The following ZBTB7C variants were observed in gnomAD, a reference collection of about 807,000 sequenced individuals.
ZBTB7C encodes zinc finger and BTB domain-containing protein 7C.
A neutral mutation model predicts 25.7 loss-of-function variants in ZBTB7C; 8 were observed. The observed-to-expected ratio is 0.31, with a 90% CI of 0.18 to 0.56. ZBTB7C has a LOEUF of 0.56. Among genes scored for constraint, ZBTB7C ranks in the 20% least tolerant of loss-of-function variants. ZBTB7C has a pLI of 0.91. For synonymous variants in ZBTB7C, 394 were observed against 369.0 expected (o/e 1.07, Z -0.78); for missense variants, 824 against 855.2 (o/e 0.96, Z 0.46).
At chr18:48,375,906 G>A (rs184329586) in intron 1 of ZBTB7C, among the ~76,000 whole-genome samples, 1 of 152,182 alleles carries the variant, frequency 6.6e-6, no homozygotes, top group Non-Finnish European at 1.5e-5. Context: ...TCAACTACTA[G>A]CTTGGAGACC....
At chr18:48,403,595 G>A (rs1205997469) in intron 1 of ZBTB7C, among the ~76,000 whole-genome samples, 2 of 152,198 alleles carry the variant, frequency 1.3e-5, no homozygotes, top group African/African-American at 4.8e-5. Context: ...AGCCCAGGAG[G>A]AGACAATAGA....
chr18:48,305,739 G>C (rs2045657386), intron 2 of ZBTB7C, among the ~76,000 whole-genome samples: 2 of 152,152 alleles, frequency 1.3e-5, no homozygotes. Flanking sequence ...CCTCCATCAT[G>C]TGTGCTTAGA....
intron 1 of ZBTB7C, among the ~76,000 whole-genome samples, chr18:48,369,269 A>T (rs1019542457): frequency 2.0e-5 from 3 of 152,138 alleles, no homozygotes; most frequent in African/African-American, 4.8e-5. Flanking sequence ...TATGTAGAGT[A>T]TCTACTAAAA....
At chr18:48,165,992 G>A (rs768394150) in intron 3 of ZBTB7C, among the ~76,000 whole-genome samples, 2 of 152,114 alleles carry the variant, frequency 1.3e-5, no homozygotes, top group Non-Finnish European at 2.9e-5. Context: ...TGCATAATAC[G>A]TTTTTCCCAG....
intron 1 of ZBTB7C, among the ~76,000 whole-genome samples, chr18:48,338,750 C>T (rs2144956430): frequency 6.6e-6 from 1 of 152,336 alleles, no homozygotes; most frequent in Non-Finnish European, 1.5e-5. Flanking sequence ...GACTGACCAA[C>T]AGAACCTCAC....
At chr18:48,232,180 G>C (rs941312588) in intron 2 of ZBTB7C, among the ~76,000 whole-genome samples, 1 of 152,202 alleles carries the variant, frequency 6.6e-6, no homozygotes, top group African/African-American at 2.4e-5. Context: ...AGCCAGAAAA[G>C]TAACACTCCA....
chr18:48,318,314 C>G (rs2046000691), intron 2 of ZBTB7C, among the ~76,000 whole-genome samples: 1 of 152,192 alleles, frequency 6.6e-6, no homozygotes, highest in Non-Finnish European at 1.5e-5. Context: ...GGAACCAACC[C>G]CCCCTCACAA....
At chr18:48,331,327 C>G (rs2046338084) in intron 2 of ZBTB7C, among the ~76,000 whole-genome samples, 1 of 152,068 alleles carries the variant, frequency 6.6e-6, no homozygotes, top group Non-Finnish European at 1.5e-5. Flanking sequence ...CTATACAAAG[C>G]CATGTCACAT....
In ZBTB7C at chr18:48,380,471, A is replaced by G. The variant is rs9954302; in HGVS notation, c.-304+28755T>C. Among the ~76,000 whole-genome samples, 1,175 of 152,342 alleles carry G rather than the reference A, an allele frequency of 7.7e-3. 15 individuals are homozygous for G. The highest frequency in any genetic ancestry group is 0.025 in the African/African-American group (1,019 of 41,568). ...GAGACATCGGTATGAACTCATGTTT[A>G]CCTTGACATAAATACAAGTGGTTAC... is the stretch of plus-strand genomic sequence containing the variant. On this transcript the variant is annotated intron_variant, in intron 1 of 4. Transcript: ENST00000590800.
rs183662790 is a variant in ZBTB7C at position 48,032,756 on chromosome 18, A to G, written c.1209-2845T>C. ...TGGCCAGGTAGGTTTTTTTTAAGTC[A>G]CTATTACACATAATTAGTAGCACTG... On this transcript the variant is annotated intron_variant, in intron 4 of 4. Coordinates refer to ENST00000590800, the MANE Select transcript of ZBTB7C (RefSeq NM_001318841.2). 4.6e-5 allele frequency among the ~76,000 whole-genome samples: 7 copies of G among 152,120 alleles called. No individual in the cohort carries two copies. The East Asian group carries it at 1.2e-3, about 25-fold the overall frequency.
chr18:48,272,511 T>C (rs1227097715), intron 2 of ZBTB7C, among the ~76,000 whole-genome samples: 1 of 152,206 alleles, frequency 6.6e-6, no homozygotes, highest in Non-Finnish European at 1.5e-5. Context: ...TGGAAGCCAA[T>C]TCAGTTTCAA....
intron 2 of ZBTB7C, among the ~76,000 whole-genome samples, chr18:48,280,848 C>CTTTTTTTT (rs55760047): frequency 2.5e-5 from 2 of 79,892 alleles, no homozygotes; most frequent in African/African-American, 4.8e-5. Flanking sequence ...TTTTCTCTCT[C>CTTTTTTTT]TTTTTTTTTT....
chr18:48,234,647 T>C (rs916885414), intron 2 of ZBTB7C, among the ~76,000 whole-genome samples: 1 of 152,230 alleles, frequency 6.6e-6, no homozygotes, highest in Non-Finnish European at 1.5e-5. Context: ...GTTTTGGGAA[T>C]TGCTCATGTG....
At chr18:48,081,327 T>A (rs1347106983) in intron 3 of ZBTB7C, among the ~76,000 whole-genome samples, 1 of 152,210 alleles carries the variant, frequency 6.6e-6, no homozygotes, top group Non-Finnish European at 1.5e-5. Flanking sequence ...TCTAGACACC[T>A]GTTGTACCAT....
intron 2 of ZBTB7C, among the ~76,000 whole-genome samples, chr18:48,200,601 G>T (rs1222953167): frequency 6.6e-6 from 1 of 152,192 alleles, no homozygotes; most frequent in Non-Finnish European, 1.5e-5. Flanking sequence ...TAGTCATGAG[G>T]ATAGAGTTTT....
intron 1 of ZBTB7C, among the ~76,000 whole-genome samples, chr18:48,355,038 C>T (rs1291819477): frequency 6.6e-6 from 1 of 152,206 alleles, no homozygotes. Context: ...CCCTTCCCTG[C>T]TCTGCCTGCA....
chr18:48,348,491 G>C (rs1281179154), intron 1 of ZBTB7C, among the ~76,000 whole-genome samples: 2 of 152,206 alleles, frequency 1.3e-5, no homozygotes, highest in Middle Eastern at 3.2e-3. Flanking sequence ...TGACTGTTTT[G>C]TTCCAGAGGA....
intron 2 of ZBTB7C, among the ~76,000 whole-genome samples, chr18:48,298,044 G>C (rs902702779): frequency 6.6e-6 from 1 of 152,148 alleles, no homozygotes; most frequent in Non-Finnish European, 1.5e-5. Flanking sequence ...ATTTTGGGAG[G>C]CTGAGGCAGG....
At chr18:48,176,745 A>C (rs1206890862) in intron 3 of ZBTB7C, among the ~76,000 whole-genome samples, 1 of 152,178 alleles carries the variant, frequency 6.6e-6, no homozygotes, top group Non-Finnish European at 1.5e-5. Flanking sequence ...TTTTGTTTGC[A>C]GTTTCTCTGT....
Sources: gnomAD v4.1 joint callset for allele counts (sites outside exome capture counted in the v4.1 genomes callset) on GRCh38, gnomAD v4.1.1 for gene constraint, MANE v1.5 for transcripts, NCBI Gene and HGNC (gene_info 2026-07-23, HGNC 2026-07-21) for gene names.